Variants in S100PBP observed in about 807,000 individuals in gnomAD.
S100PBP encodes S100P binding protein, also known as S100P-binding protein.
In S100PBP, 15 loss-of-function variants were observed where a neutral mutation model predicts 39.9. That is an observed-to-expected ratio of 0.38 (90% CI 0.25 to 0.58). The LOEUF (loss-of-function observed/expected upper bound fraction) is 0.58. Among genes scored for constraint, S100PBP ranks in the 20% least tolerant of loss-of-function variants. The pLI is 0.70. For missense variants in S100PBP, 504 were observed against 487.3 expected, an observed-to-expected ratio of 1.03 and a Z score of -0.32; for synonymous variants, 178 against 180.3, an observed-to-expected ratio of 0.99 and a Z score of 0.10.
At chr1:32,823,131 A>G (rs1332848221) in intron 1 of S100PBP, among the ~76,000 whole-genome samples, 3 of 152,204 alleles carry the variant, frequency 2.0e-5, no homozygotes, top group Non-Finnish European at 2.9e-5. Context: ...GTTTCCCAAG[A>G]GGGAAAAATC....
chr1:32,843,110 G>T (rs1423563177), intron 5 of S100PBP: 3 of 151,752 alleles, frequency 2.0e-5, no homozygotes, highest in African/African-American at 4.8e-5. Flanking sequence ...TTTGTGTCTT[G>T]GTCTTACATT....
At chr1:32,855,761 A>C (rs1161280769) in intron 6 of S100PBP, among the ~76,000 whole-genome samples, 163 bp from the exon 7 acceptor site, 2 of 152,334 alleles carry the variant, frequency 1.3e-5, no homozygotes, top group East Asian at 3.8e-4. Flanking sequence ...TATAAATGAA[A>C]TAGTATAAAA....
At chr1:32,839,514 C>G (rs1276683550) in intron 5 of S100PBP, among the ~76,000 whole-genome samples, 5 of 152,176 alleles carry the variant, frequency 3.3e-5, no homozygotes, top group Admixed American at 3.3e-4. Context: ...ATTGCTAGAT[C>G]ATATGCTAAT....
intron 5 of S100PBP, among the ~76,000 whole-genome samples, chr1:32,837,872 A>ATG (rs750926685): frequency 4.6e-5 from 7 of 152,048 alleles, no homozygotes; most frequent in Non-Finnish European, 1.0e-4. Flanking sequence ...CCCTAAGTGA[A>ATG]TGTTTACCCA....
At chr1:32,839,204 T>A (rs1474143582) in intron 5 of S100PBP, among the ~76,000 whole-genome samples, 1 of 152,224 alleles carries the variant, frequency 6.6e-6, no homozygotes, top group Non-Finnish European at 1.5e-5. Context: ...CTACTCTAGG[T>A]ACCTCACATA....
Position 32,826,768 on chromosome 1 carries a change from C to G in S100PBP, c.669C>G (p.Val223=). The G allele has an allele frequency of 6.2e-7, 1 of 1,614,120 alleles. No homozygotes were observed. The highest frequency in any genetic ancestry group is 8.5e-7 in the Non-Finnish European group (1 of 1,180,020). Reference sequence around the variant, plus strand: ...CAAACAATAACTTTCAACAGACTGTCTCTGATAAAAATATGCCTGACAGTG... The same window carrying G: ...CAAACAATAACTTTCAACAGACTGTGTCTGATAAAAATATGCCTGACAGTG... ...SSSNNNFQQT[V]SDKNMPDSEN... is the part of the protein sequence containing the mutation. The change falls in exon 3 of 7, where the codon GTC becomes GTG. Residue 223 remains valine, a synonymous_variant. Transcript: ENST00000373475.
At chr1:32,832,984 G>C (rs1212079802) in intron 5 of S100PBP, among the ~76,000 whole-genome samples, 1 of 145,522 alleles carries the variant, frequency 6.9e-6, no homozygotes, top group African/African-American at 2.7e-5. Flanking sequence ...GTGCCCCATG[G>C]GTTTTTTTTT....
intron 1 of S100PBP, among the ~76,000 whole-genome samples, chr1:32,824,565 T>G (rs1161978126): frequency 6.8e-6 from 1 of 147,010 alleles, no homozygotes; most frequent in Non-Finnish European, 1.5e-5. Flanking sequence ...GTTTGTATCT[T>G]TTTTTTTTTT....
chr1:32,836,493 A>G (rs1639824730), intron 5 of S100PBP: 20 of 943,530 alleles, frequency 2.1e-5, no homozygotes, highest in Non-Finnish European at 2.5e-5. Flanking sequence ...TTAAATCAGT[A>G]TTCATTGTTT....
chr1:32,827,968 T>C (rs1639414752), intron 3 of S100PBP, 25 bp from the exon 4 acceptor site: 1 of 1,494,008 alleles, frequency 6.7e-7, no homozygotes, highest in East Asian at 2.3e-5. Flanking sequence ...CACCTTTCCT[T>C]TTGCATTCCT....
chr1:32,823,597 T>G (rs1189320064), intron 1 of S100PBP, among the ~76,000 whole-genome samples: 1 of 152,202 alleles, frequency 6.6e-6, no homozygotes, highest in Non-Finnish European at 1.5e-5. Context: ...ATTTAGTATT[T>G]CTTTTTCTCC....
Position 32,855,947 on chromosome 1 carries a change from A to ATCTGCAAAGATACAG in S100PBP, c.1141_1155dup (p.Gln381_Leu385dup), listed in dbSNP as rs1553134890. ...AGAAACTACGCCCGCCGACAGAAACATCTGCAAAGATACAGTCTGACTCAG... is the reference window on the plus strand; with the variant it reads ...AGAAACTACGCCCGCCGACAGAAACATCTGCAAAGATACAGTCTGCAAAGATACAGTCTGACTCAG... On this transcript the variant is annotated inframe_insertion, in exon 7 of 7. Transcript: ENST00000373475. 2 of 1,613,504 alleles carry ATCTGCAAAGATACAG rather than the reference A, an allele frequency of 1.2e-6. No individual in the cohort carries two copies. The highest frequency in any genetic ancestry group is 1.7e-6 in the Non-Finnish European group (2 of 1,179,668).
At chr1:32,839,437 A>T (rs2148668403) in intron 5 of S100PBP, among the ~76,000 whole-genome samples, 1 of 152,362 alleles carries the variant, frequency 6.6e-6, no homozygotes, top group Middle Eastern at 3.4e-3. Flanking sequence ...GCCGTTATGC[A>T]TATGCATCTA....
At chr1:32,840,910 C>T (rs1211389557) in intron 5 of S100PBP, among the ~76,000 whole-genome samples, 3 of 151,672 alleles carry the variant, frequency 2.0e-5, no homozygotes, top group Non-Finnish European at 4.4e-5. Context: ...CCTGTAATCC[C>T]AGCACTTTGG....
chr1:32,847,046 C>T (rs1640413003), intron 5 of S100PBP, among the ~76,000 whole-genome samples: 1 of 152,068 alleles, frequency 6.6e-6, no homozygotes, highest in African/African-American at 2.4e-5. Flanking sequence ...TCCCAAAGTG[C>T]TGGGATTACA....
chr1:32,819,063 C>G (rs994849637), intron 1 of S100PBP, among the ~76,000 whole-genome samples: 2 of 151,692 alleles, frequency 1.3e-5, no homozygotes, highest in African/African-American at 4.9e-5. Context: ...AGTAGGTTTT[C>G]TGAGGTGAGA....
chr1:32,831,095 C>T (rs1032032265), intron 5 of S100PBP, among the ~76,000 whole-genome samples: 1 of 141,912 alleles, frequency 7.0e-6, no homozygotes, highest in Non-Finnish European at 1.5e-5. Flanking sequence ...AAAAAAAAAT[C>T]ACTCCATATT....
intron 6 of S100PBP, among the ~76,000 whole-genome samples, chr1:32,855,712 G>C (rs900507021): frequency 3.9e-5 from 6 of 151,978 alleles, no homozygotes; most frequent in Non-Finnish European, 8.8e-5. Flanking sequence ...AGGTGGCTTT[G>C]GGAGTTGGAA....
intron 1 of S100PBP, chr1:32,824,912 G>T (rs2148640570): frequency 6.7e-6 from 1 of 148,152 alleles, no homozygotes; most frequent in East Asian, 2.0e-4. Context: ...ACATTGCCTA[G>T]CACCCCTTTT....
Sources: gnomAD v4.1 joint callset for allele counts (sites outside exome capture counted in the v4.1 genomes callset) on GRCh38, gnomAD v4.1.1 for gene constraint, MANE v1.5 for transcripts, NCBI Gene and HGNC (gene_info 2026-07-23, HGNC 2026-07-21) for gene names.